The following YJU2 variants were observed in gnomAD, a reference collection of about 807,000 sequenced individuals.
YJU2 encodes the protein splicing factor YJU2.
YJU2 carries 28 observed loss-of-function variants against 39.6 expected under a neutral mutation model. The ratio of observed to expected loss-of-function variants is 0.71; its 90% CI spans 0.52 to 0.97. The LOEUF is 0.97. Ranked by LOEUF, YJU2 falls within the 50% of genes least tolerant of loss-of-function variation. The pLI, the probability that YJU2 is intolerant of heterozygous loss-of-function variation, is 0.00. For synonymous variants in YJU2, 184 were observed against 182.4 expected (o/e 1.01, Z -0.07); for missense variants, 328 against 430.4 (o/e 0.76, Z 2.11).
chr19:4,258,681 G>A (rs1350829787), intron 5 of YJU2, among the ~76,000 whole-genome samples: 2 of 152,224 alleles, frequency 1.3e-5, no homozygotes, highest in Non-Finnish European at 2.9e-5. Context: ...TCAGCAAAGG[G>A]GAAAGGCATG....
At chr19:4,265,984 C>T (rs551089126) in intron 6 of YJU2, among the ~76,000 whole-genome samples, 6 of 136,740 alleles carry the variant, frequency 4.4e-5, no homozygotes, top group East Asian at 2.3e-4. Context: ...GACGGCGTCT[C>T]GCCCTGTCAC....
chr19:4,263,980 C>T (rs1419635524), intron 6 of YJU2, among the ~76,000 whole-genome samples: 1 of 151,180 alleles, frequency 6.6e-6, no homozygotes, highest in African/African-American at 2.4e-5. Flanking sequence ...CGATTGTTCT[C>T]GGCCGGGCGC....
intron 7 of YJU2, 104 bp downstream of exon 7, chr19:4,267,878 C>CGCA: frequency 2.9e-6 from 3 of 1,041,958 alleles, no homozygotes; most frequent in Non-Finnish European, 4.1e-6. Context: ...TGGGTGGGGG[C>CGCA]GGCCTGCGAC....
At chr19:4,252,003 G>T (rs1970981152) in intron 3 of YJU2, among the ~76,000 whole-genome samples, 1 of 151,570 alleles carries the variant, frequency 6.6e-6, no homozygotes, top group African/African-American at 2.4e-5. Flanking sequence ...AAAAAAAAAA[G>T]TAGCGTGCAA....
intron 5 of YJU2, among the ~76,000 whole-genome samples, chr19:4,260,476 C>G (rs996544105): frequency 1.4e-5 from 2 of 147,500 alleles, no homozygotes; most frequent in Non-Finnish European, 3.0e-5. Context: ...GTGGCTCACG[C>G]CCGTAATCCC....
At chr19:4,267,588 G>C in intron 6 of YJU2, 36 bp from the exon 7 acceptor site, 3 of 1,601,576 alleles carry the variant, frequency 1.9e-6, no homozygotes, top group African/African-American at 1.3e-5. Flanking sequence ...CCCTGGATCC[G>C]GGCCAGACCC....
In YJU2 at chr19:4,251,040, G is replaced by A. The variant is rs1252425054; in HGVS notation, c.139G>A (p.Gly47Arg). The change falls in exon 3 of 8, where the codon GGA becomes AGA. Residue 47 changes from glycine to arginine, a missense_variant. Gly to Arg is a moderately radical substitution (Grantham distance 125, BLOSUM62 -2). Coordinates refer to ENST00000262962, the MANE Select transcript of YJU2 (RefSeq NM_018074.6). ...APFNMRCKTC[G>R]EYIYKGKKFN... ...GCTGCCCCGCAGGTGTAAGACGTGCGGAGAATACATCTACAAGGGGAAGAA... is the reference window on the plus strand; with the variant it reads ...GCTGCCCCGCAGGTGTAAGACGTGCAGAGAATACATCTACAAGGGGAAGAA... 12 of 1,614,188 alleles carry A rather than the reference G, an allele frequency of 7.4e-6. No homozygotes were observed. Among genetic ancestry groups the A allele is most frequent in the South Asian group, 1.1e-5 (1 of 91,086 alleles).
intron 6 of YJU2, among the ~76,000 whole-genome samples, chr19:4,265,835 G>C (rs988750554): frequency 6.6e-6 from 1 of 151,952 alleles, no homozygotes; most frequent in African/African-American, 2.4e-5. Flanking sequence ...TTGACCTCAA[G>C]TGGTCCACCC....
intron 5 of YJU2, among the ~76,000 whole-genome samples, chr19:4,260,998 G>T (rs539389334): frequency 6.6e-6 from 1 of 151,402 alleles, no homozygotes; most frequent in Admixed American, 6.6e-5. Flanking sequence ...TCGAGTAGGA[G>T]TTCACCAAGC....
In YJU2 at chr19:4,247,650, T is replaced by G. The variant is rs867491153; in HGVS notation, c.24+480T>G. 2.7e-4 allele frequency among the ~76,000 whole-genome samples: 15 copies of G among 55,174 alleles called. 1 individual carries two copies. The highest frequency in any genetic ancestry group is 4.4e-4 in the Non-Finnish European group (14 of 31,660). 36.2% of individuals were successfully genotyped at this position (55,174 alleles called of 152,430 possible). ...GTGTGTGTGTGTGTGTGTGTGTGTG[T>G]GTGTGTGTGTGTGTGTGTGTGTGTG... On this transcript the variant is annotated intron_variant, in intron 1 of 7. Coordinates refer to ENST00000262962, the MANE Select transcript of YJU2 (RefSeq NM_018074.6).
chr19:4,267,883 T>A, intron 7 of YJU2, 109 bp downstream of exon 7: 1 of 986,600 alleles, frequency 1.0e-6, no homozygotes, highest in African/African-American at 1.6e-5. Flanking sequence ...GGGGGCGGCC[T>A]GCGACCCCCA....
chr19:4,261,284 A>T (rs1447152340), intron 5 of YJU2, among the ~76,000 whole-genome samples: 1 of 152,156 alleles, frequency 6.6e-6, no homozygotes, highest in African/African-American at 2.4e-5. Context: ...CCACTCCCAG[A>T]ATTAGAGACC....
chr19:4,247,587 GT>G (rs1361829664), intron 1 of YJU2, among the ~76,000 whole-genome samples: 133 of 5,560 alleles, frequency 0.024, 18 homozygotes, highest in East Asian at 0.05. Flanking sequence ...TGGCGCGTGT[GT>G]GTGTGTGTGT....
In YJU2 at chr19:4,268,578, C is replaced by T. The variant is rs368776937; in HGVS notation, c.860-6C>T. 11 of 1,604,474 alleles carry T rather than the reference C, an allele frequency of 6.9e-6. No homozygotes were observed. The highest frequency in any genetic ancestry group is 8.5e-6 in the Non-Finnish European group (10 of 1,173,668). On this transcript the variant is annotated splice_polypyrimidine_tract_variant and splice_region_variant and intron_variant, in intron 7 of 7. Transcript: ENST00000262962. ...TGAGATGAGCTAACTCTCGCTCTCC[C>T]ACCAGGAGCCCCGCAGAACAGGAAG...
At chr19:4,263,744 A>C (rs2144698768) in intron 6 of YJU2, among the ~76,000 whole-genome samples, 1 of 146,598 alleles carries the variant, frequency 6.8e-6, no homozygotes, top group East Asian at 2.1e-4. Context: ...TGGGAGGCAG[A>C]GGTTGCAGTG....
chr19:4,250,453 AGCCCCTG>A (rs1970966732), intron 2 of YJU2, among the ~76,000 whole-genome samples: 1 of 152,046 alleles, frequency 6.6e-6, no homozygotes. Flanking sequence ...GGCAGGAGAG[AGCCCCTG>A]GGGCAGTGGC....
chr19:4,260,464 C>T (rs900863485), intron 5 of YJU2, among the ~76,000 whole-genome samples: 1 of 150,540 alleles, frequency 6.6e-6, no homozygotes, highest in Non-Finnish European at 1.5e-5. Context: ...TAGGTGCGGT[C>T]GGTGGCTCAC....
intron 6 of YJU2, among the ~76,000 whole-genome samples, chr19:4,262,554 C>T (rs1375404839): frequency 6.6e-6 from 1 of 152,144 alleles, no homozygotes; most frequent in Non-Finnish European, 1.5e-5. Context: ...CACCCTGTGG[C>T]TGTAGCCCAA....
chr19:4,266,211 A>G (rs1971114302), intron 6 of YJU2, among the ~76,000 whole-genome samples: 1 of 152,082 alleles, frequency 6.6e-6, no homozygotes, highest in Non-Finnish European at 1.5e-5. Flanking sequence ...TGGCCTCCCA[A>G]AGTGCCGGGA....
Sources: gnomAD v4.1 joint callset for allele counts (sites outside exome capture counted in the v4.1 genomes callset) on GRCh38, gnomAD v4.1.1 for gene constraint, MANE v1.5 for transcripts, NCBI Gene and HGNC (gene_info 2026-07-23, HGNC 2026-07-21) for gene names.